RASGEF1C: variants seen among roughly 807,000 people sequenced by gnomAD.
RASGEF1C encodes RasGEF domain family member 1C.
RASGEF1C carries 27 observed loss-of-function variants against 58.1 expected under a neutral mutation model. That is an observed-to-expected ratio of 0.46 (90% CI 0.34 to 0.64). The LOEUF (loss-of-function observed/expected upper bound fraction) is 0.64, where lower values mean the gene tolerates loss of function less well. Among genes scored for constraint, RASGEF1C ranks in the 30% least tolerant of loss-of-function variants. RASGEF1C has a pLI of 0.01. For synonymous variants in RASGEF1C, 243 were observed against 246.3 expected (o/e 0.99, Z 0.13); for missense variants, 502 against 605.1 (o/e 0.83, Z 1.79).
intron 1 of RASGEF1C, among the ~76,000 whole-genome samples, chr5:180,165,888 T>A (rs1407401172): frequency 6.6e-6 from 1 of 150,796 alleles, no homozygotes; most frequent in African/African-American, 2.4e-5. Context: ...TAGCTGGGAC[T>A]ACAGGCACCT....
At chr5:180,113,011 CGG>C (rs1765988439) in intron 11 of RASGEF1C, among the ~76,000 whole-genome samples, 1 of 74,424 alleles carries the variant, frequency 1.3e-5, no homozygotes, top group Admixed American at 1.5e-4. Context: ...CCGGGCTGGA[CGG>C]AGGGACCGGG....
At position 180,119,386 on chromosome 5, in the gene RASGEF1C, G is replaced by A. The variant is rs1485152250; in HGVS notation, c.867C>T (p.Cys289=). ...IEFFIDVARE[C]FNIGNFNSLM... ...GGGAGTTGAAGTTGCCGATGTTGAAGCACTCGCGGGCCACGTCGATGAAGA... is the reference window on the plus strand; with the variant it reads ...GGGAGTTGAAGTTGCCGATGTTGAAACACTCGCGGGCCACGTCGATGAAGA... The change falls in exon 8 of 14, where the codon TGC becomes TGT. Residue 289 remains cysteine (C), a synonymous_variant. Transcript: ENST00000361132. 2 of 1,614,152 alleles carry A rather than the reference G, an allele frequency of 1.2e-6. No individual in the cohort carries two copies. The highest frequency in any genetic ancestry group is 2.2e-5 in the East Asian group (1 of 44,876).
In RASGEF1C at chr5:180,100,865, A is replaced by G. The variant is rs547984278; in HGVS notation, c.*636T>C. The G allele has an allele frequency of 6.5e-6, 1 of 153,396 alleles. No homozygotes were observed. Among genetic ancestry groups the G allele is most frequent in the Admixed American group, 6.5e-5 (1 of 15,462 alleles). 9.5% of individuals were successfully genotyped at this position (153,396 alleles called of 1,614,324 possible). A position where few individuals can be genotyped will look rare whatever the true frequency, so the allele number is the denominator to read the frequency against. On this transcript the variant is annotated 3_prime_UTR_variant, in exon 14 of 14. Coordinates refer to ENST00000361132, the MANE Select transcript of RASGEF1C (RefSeq NM_175062.4). ...TGGGTGGCGGGACTGCCGTGTACAC[A>G]CTGTAACTCCATGTGTCCAGTTTGT...
At chr5:180,145,365 C>A (rs2113286108) in intron 1 of RASGEF1C, among the ~76,000 whole-genome samples, 1 of 152,356 alleles carries the variant, frequency 6.6e-6, no homozygotes, top group African/African-American at 2.4e-5. Flanking sequence ...AGGTGATCTG[C>A]CCGCCTCAGC....
chr5:180,139,509 A>C (rs1226933307), intron 1 of RASGEF1C, among the ~76,000 whole-genome samples: 1 of 152,194 alleles, frequency 6.6e-6, no homozygotes, highest in East Asian at 1.9e-4. Flanking sequence ...TCCCGTGGCC[A>C]TGTGGGTGTG....
Position 180,152,162 on chromosome 5 carries a change from G to A in RASGEF1C, c.-6-14104C>T, listed in dbSNP as rs998458247. Among the ~76,000 whole-genome samples the A allele has an allele frequency of 5.1e-4, 78 of 152,070 alleles. 1 individual carries two copies. The East Asian group carries it at 8.7e-3, about 17-fold the overall frequency. ...CAACCATTGTGGAAGTCAGTGTGGC[G>A]ATCCCTCAGGGATCTAGAACTAGAA... On this transcript the variant is annotated intron_variant, in intron 1 of 13. Transcript: ENST00000361132.
chr5:180,138,390 A>C, intron 1 of RASGEF1C: 1 of 218,258 alleles, frequency 4.6e-6, no homozygotes, highest in Non-Finnish European at 9.0e-6. Context: ...AGCCTGGATA[A>C]TCAGCCTAAT....
intron 4 of RASGEF1C, among the ~76,000 whole-genome samples, chr5:180,130,939 C>T (rs994985140): frequency 4.6e-5 from 7 of 152,226 alleles, no homozygotes; most frequent in East Asian, 3.9e-4. Flanking sequence ...GTGGATAGCG[C>T]GTCGGCCACC....
rs1393661271 is a variant in RASGEF1C, at chr5:180,156,959, A to G, written c.-6-18901T>C. On this transcript the variant is annotated intron_variant, in intron 1 of 13. Transcript: ENST00000361132. This position sits in a 1 kb window ranked among gnomAD's most constrained non-coding sequence, Gnocchi z 4.9. ...TGTCATCAGGGAAATGCAAATTAGAACAAGATACCACTACACACCTACTAG... is the reference window on the plus strand; with the variant it reads ...TGTCATCAGGGAAATGCAAATTAGAGCAAGATACCACTACACACCTACTAG... Among the ~76,000 whole-genome samples, 1 of 152,192 alleles carries G rather than the reference A, an allele frequency of 6.6e-6. No individual in the cohort carries two copies. Among genetic ancestry groups the G allele is most frequent in the African/African-American group, 2.4e-5 (1 of 41,448 alleles).
intron 1 of RASGEF1C, among the ~76,000 whole-genome samples, chr5:180,167,964 G>A (rs1319246944): frequency 6.6e-6 from 1 of 152,186 alleles, no homozygotes; most frequent in Non-Finnish European, 1.5e-5. Flanking sequence ...TCACTGAGTT[G>A]GTATTTAAAT....
chr5:180,169,230 T>C (rs1767065595), intron 1 of RASGEF1C, among the ~76,000 whole-genome samples: 1 of 152,226 alleles, frequency 6.6e-6, no homozygotes, highest in Non-Finnish European at 1.5e-5. Context: ...TTACAAAATA[T>C]ATTTATTTTA....
rs1488568728 is a variant in RASGEF1C at position 180,136,457 on chromosome 5, G to T, written c.359C>A (p.Thr120Asn). ...LLQLLAEWTETFPRDFQEEST... is the reference protein window; with the variant it reads ...LLQLLAEWTENFPRDFQEEST... ...CTCTTCCTGGAAGTCCCTTGGGAAG[G>T]TCTCGGTCCACTCGGCCAACAGCTG... is the stretch of plus-strand genomic sequence containing the variant. The change falls in exon 4 of 14, where the codon ACC becomes AAC. Residue 120 changes from threonine to asparagine, a missense_variant. Transcript: ENST00000361132. 6.4e-7 allele frequency: 1 copy of T among 1,561,524 alleles called. No homozygotes were observed. Among genetic ancestry groups the T allele is most frequent in the Non-Finnish European group, 8.7e-7 (1 of 1,152,590 alleles).
chr5:180,108,771 G>A (rs1053776560), intron 12 of RASGEF1C, among the ~76,000 whole-genome samples: 5 of 152,234 alleles, frequency 3.3e-5, no homozygotes, highest in African/African-American at 1.2e-4. Flanking sequence ...TGCCAGGGAA[G>A]CCTGGAGCTG....
chr5:180,139,225 G>A (rs1352577784), intron 1 of RASGEF1C, among the ~76,000 whole-genome samples: 1 of 152,120 alleles, frequency 6.6e-6, no homozygotes, highest in African/African-American at 2.4e-5. Flanking sequence ...GAAAGCCCAG[G>A]AGCCCTCACA....
chr5:180,173,224 G>A (rs990812164), intron 1 of RASGEF1C, among the ~76,000 whole-genome samples: 1 of 152,244 alleles, frequency 6.6e-6, no homozygotes, highest in African/African-American at 2.4e-5. Flanking sequence ...ACTCAGAAGA[G>A]CCAGCTACAC....
chr5:180,188,024 G>C (rs1232232120), intron 1 of RASGEF1C, among the ~76,000 whole-genome samples: 1 of 152,134 alleles, frequency 6.6e-6, no homozygotes, highest in African/African-American at 2.4e-5. Flanking sequence ...ACAAATACTT[G>C]TACATGAGTG....
chr5:180,179,012 G>A (rs1001240038), intron 1 of RASGEF1C, among the ~76,000 whole-genome samples: 5 of 152,134 alleles, frequency 3.3e-5, no homozygotes, highest in African/African-American at 1.2e-4. Flanking sequence ...ATGGGGCCTG[G>A]GGCCGGGAGG....
At chr5:180,118,764 G>C (rs780748587) in intron 9 of RASGEF1C, 23 bp downstream of exon 9, 1 of 1,613,950 alleles carries the variant, frequency 6.2e-7, no homozygotes, top group Non-Finnish European at 8.5e-7. Context: ...GGAGGCACCC[G>C]GCAGCCCAGC....
chr5:180,138,350 G>C (rs112726831), intron 1 of RASGEF1C: 27 of 313,472 alleles, frequency 8.6e-5, no homozygotes, highest in Non-Finnish European at 1.3e-4. Flanking sequence ...TCTTCCCCCC[G>C]GCACCCCTCC....
Sources: gnomAD v4.1 joint callset for allele counts (sites outside exome capture counted in the v4.1 genomes callset) on GRCh38, gnomAD v4.1.1 for gene constraint, Gnocchi (gnomAD v3.1) non-coding constraint, MANE v1.5 for transcripts, NCBI Gene and HGNC (gene_info 2026-07-23, HGNC 2026-07-21) for gene names.